Variants in STK33 observed in about 807,000 individuals in gnomAD.
STK33 encodes the protein serine/threonine-protein kinase 33.
STK33 carries 52 observed loss-of-function variants against 58.0 expected under a neutral mutation model. The observed-to-expected ratio is 0.90, with a 90% CI of 0.72 to 1.13. The LOEUF (loss-of-function observed/expected upper bound fraction) is 1.13. STK33 is among the 50% of genes most tolerant of loss of function. STK33 has a pLI of 0.00. For missense variants in STK33, 630 were observed against 604.2 expected, an observed-to-expected ratio of 1.04 and a Z score of -0.45; for synonymous variants, 215 against 200.1, an observed-to-expected ratio of 1.07 and a Z score of -0.63.
chr11:8,368,179 T>C, the STK33 span, among the ~76,000 whole-genome samples: 1 of 152,048 alleles, frequency 6.6e-6, no homozygotes, highest in Non-Finnish European at 1.5e-5. Flanking sequence ...CTCCATCAGC[T>C]ATGGGGGAAG....
intron 15 of STK33, among the ~76,000 whole-genome samples, chr11:8,410,659 GAC>G (rs1343743534): frequency 6.6e-6 from 1 of 151,962 alleles, no homozygotes; most frequent in Non-Finnish European, 1.5e-5. Flanking sequence ...TTTTAGTAGA[GAC>G]AGGGTTTCGC....
At chr11:8,335,395 G>T in the STK33 span, among the ~76,000 whole-genome samples, 2 of 152,338 alleles carry the variant, frequency 1.3e-5, no homozygotes, top group African/African-American at 4.8e-5. Flanking sequence ...CCCCTTGAAG[G>T]CATTACCTCA....
At chr11:8,576,162 G>C (rs902596440) in intron 1 of STK33, among the ~76,000 whole-genome samples, 1 of 152,074 alleles carries the variant, frequency 6.6e-6, no homozygotes, top group Non-Finnish European at 1.5e-5. Flanking sequence ...GGACTGAATG[G>C]GGAGTTGAAA....
chr11:8,535,018 T>C (rs796104030), intron 1 of STK33, among the ~76,000 whole-genome samples: 10 of 152,222 alleles, frequency 6.6e-5, no homozygotes, highest in African/African-American at 2.4e-4. Context: ...AGAGAGAGTA[T>C]GGAAAGTCAT....
chr11:8,513,957 C>T (rs1952550080), intron 1 of STK33, among the ~76,000 whole-genome samples: 1 of 152,076 alleles, frequency 6.6e-6, no homozygotes, highest in Non-Finnish European at 1.5e-5. Flanking sequence ...TTCCCCACCC[C>T]ACCCCACACC....
chr11:8,459,088 A>T (rs1947217358), intron 8 of STK33, among the ~76,000 whole-genome samples: 1 of 152,216 alleles, frequency 6.6e-6, no homozygotes, highest in South Asian at 2.1e-4. Context: ...ATTTGGAAGG[A>T]AAGGTTGGAT....
At position 8,483,720 on chromosome 11, in the gene STK33, C is replaced by T. The variant is rs899516110; in HGVS notation, c.-465-3106G>A. ...TCCAGCCAGTACAATCAATCAAAAT[C>T]TACTGCCGAACGAACATATTAAAAT... On this transcript the variant is annotated intron_variant, in intron 1 of 15. Transcript: ENST00000687296. 2.0e-5 allele frequency among the ~76,000 whole-genome samples: 3 copies of T among 152,154 alleles called. 1 individual carries two copies. Among genetic ancestry groups the T allele is most frequent in the South Asian group, 4.1e-4 (2 of 4,826 alleles).
chr11:8,450,901 C>T (rs148648673), intron 11 of STK33, among the ~76,000 whole-genome samples: 158 of 152,278 alleles, frequency 1.0e-3, no homozygotes, highest in African/African-American at 3.7e-3. Flanking sequence ...TAAATAGACA[C>T]TTCACCAGAA....
intron 1 of STK33, among the ~76,000 whole-genome samples, chr11:8,581,642 G>C (rs932645638): frequency 6.6e-5 from 10 of 152,178 alleles, no homozygotes; most frequent in Non-Finnish European, 1.5e-4. Context: ...CTCTGTCCAT[G>C]AAGGATGGGT....
intron 11 of STK33, among the ~76,000 whole-genome samples, chr11:8,450,558 T>TA (rs377695421): frequency 1.3e-5 from 2 of 151,486 alleles, no homozygotes; most frequent in Non-Finnish European, 2.9e-5. Context: ...AGTATAATAA[T>TA]AAAAAAAAGT....
In STK33 at chr11:8,505,608, C is replaced by A. The variant is rs1217008136; in HGVS notation, c.-465-24994G>T. 2.0e-5 allele frequency among the ~76,000 whole-genome samples: 3 copies of A among 152,198 alleles called. 1 individual carries two copies. The highest frequency in any genetic ancestry group is 4.8e-5 in the African/African-American group (2 of 41,456). On this transcript the variant is annotated intron_variant, in intron 1 of 15. Coordinates refer to ENST00000687296, the MANE Select transcript of STK33 (RefSeq NM_001352389.2). The stretch of plus-strand genomic sequence containing the variant: ...CCCTTCCACGTGTTCTTGGATCACA[C>A]ACTACTTCCTCCTACACAGCGTTAG...
the STK33 span, among the ~76,000 whole-genome samples, chr11:8,379,709 T>G: frequency 5.6e-4 from 86 of 152,294 alleles, no homozygotes; most frequent in Non-Finnish European, 9.3e-4. Flanking sequence ...GTTGTACAGA[T>G]TATTTTGTCA....
At chr11:8,506,465 T>C (rs1280696507) in intron 1 of STK33, among the ~76,000 whole-genome samples, 1 of 152,186 alleles carries the variant, frequency 6.6e-6, no homozygotes, top group Non-Finnish European at 1.5e-5. Context: ...ACAGCCTCCC[T>C]GGGCTAAAAT....
chr11:8,445,099 A>G (rs973152725), intron 11 of STK33, among the ~76,000 whole-genome samples: 1 of 152,172 alleles, frequency 6.6e-6, no homozygotes, highest in African/African-American at 2.4e-5. Flanking sequence ...GAGGTCCTTC[A>G]CATCCCTGAT....
chr11:8,587,644 T>A (rs1591931409), intron 1 of STK33, among the ~76,000 whole-genome samples: 2 of 152,184 alleles, frequency 1.3e-5, no homozygotes, highest in African/African-American at 4.8e-5. Flanking sequence ...ATCATCATCT[T>A]TTCTTTGTGG....
At chr11:8,401,060 T>C (rs1252954563) in intron 15 of STK33, among the ~76,000 whole-genome samples, 2 of 152,116 alleles carry the variant, frequency 1.3e-5, no homozygotes, top group Non-Finnish European at 2.9e-5. Flanking sequence ...AATTTATACA[T>C]TCAATGCCAT....
At chr11:8,375,753 C>T in the STK33 span, among the ~76,000 whole-genome samples, 5,074 of 152,222 alleles carry the variant, frequency 0.033, 114 homozygotes, top group Middle Eastern at 0.062. Context: ...CTTGGCACTT[C>T]TCCTTCCTGC....
At chr11:8,562,525 T>C (rs751450140) in intron 1 of STK33, among the ~76,000 whole-genome samples, 9 of 152,208 alleles carry the variant, frequency 5.9e-5, no homozygotes, top group Non-Finnish European at 1.0e-4. Context: ...TAACAGAATT[T>C]AGCATCCCCT....
intron 15 of STK33, among the ~76,000 whole-genome samples, chr11:8,408,460 TGTGGGAGTAGAA>T (rs1939648244): frequency 6.6e-6 from 1 of 152,228 alleles, no homozygotes; most frequent in African/African-American, 2.4e-5. Flanking sequence ...AAAGCTCTTG[TGTGGGAGTAGAA>T]GTAGGGACAA....
Sources: gnomAD v4.1 joint callset for allele counts (sites outside exome capture counted in the v4.1 genomes callset) on GRCh38, gnomAD v4.1.1 for gene constraint, MANE v1.5 for transcripts, NCBI Gene and HGNC (gene_info 2026-07-23, HGNC 2026-07-21) for gene names.